The following DNTTIP1 variants were observed in gnomAD, a reference collection of about 807,000 sequenced individuals.
DNTTIP1 encodes deoxynucleotidyltransferase terminal-interacting protein 1.
In DNTTIP1, 22 loss-of-function variants were observed where a neutral mutation model predicts 52.9. That is an observed-to-expected ratio of 0.42 (90% CI 0.30 to 0.59). The LOEUF (loss-of-function observed/expected upper bound fraction) is 0.59, where lower values mean the gene tolerates loss of function less well. Among genes scored for constraint, DNTTIP1 ranks in the 20% least tolerant of loss-of-function variants. The pLI is 0.22. For synonymous variants in DNTTIP1, 136 were observed against 155.1 expected, an observed-to-expected ratio of 0.88 and a Z score of 0.92; for missense variants, 286 against 435.5, an observed-to-expected ratio of 0.66 and a Z score of 3.06.
At chr20:45,797,785 C>T (rs889987184) in intron 4 of DNTTIP1, among the ~76,000 whole-genome samples, 11 of 152,126 alleles carry the variant, frequency 7.2e-5, no homozygotes, top group African/African-American at 2.7e-4. Context: ...CAATGAGATA[C>T]CATCTTACAC....
Position 45,805,366 on chromosome 20 carries a change from G to A in DNTTIP1, c.723G>A (p.Lys241=). The A allele has an allele frequency of 2.5e-6, 4 of 1,614,038 alleles. No homozygotes were observed. The highest frequency in any genetic ancestry group is 3.4e-6 in the Non-Finnish European group (4 of 1,179,996). ...RIYIKHPHLF[K]YAADPQDKHW... is the part of the protein sequence containing the mutation. ...ACATCAAGCACCCACACCTCTTTAAGGTAGGTGACTGCTGGGAGGAAAGCA... is the reference window on the plus strand; with the variant it reads ...ACATCAAGCACCCACACCTCTTTAAAGTAGGTGACTGCTGGGAGGAAAGCA... Residue 241 remains lysine (K), a splice_region_variant and synonymous_variant, in exon 10 of 13, where the codon AAG becomes AAA. Coordinates refer to ENST00000372622, the MANE Select transcript of DNTTIP1 (RefSeq NM_052951.3).
At chr20:45,804,736 C>G (rs1426544003) in intron 8 of DNTTIP1, among the ~76,000 whole-genome samples, 1 of 152,204 alleles carries the variant, frequency 6.6e-6, no homozygotes, top group African/African-American at 2.4e-5. Flanking sequence ...ATGCTGCCCC[C>G]TGTCTGGAAT....
Position 45,805,379 on chromosome 20 carries a change from TG to T in DNTTIP1, c.723+16del. 2 of 1,613,526 alleles carry T rather than the reference TG, an allele frequency of 1.2e-6. No individual in the cohort carries two copies. Among genetic ancestry groups the T allele is most frequent in the Non-Finnish European group, 1.7e-6 (2 of 1,179,742 alleles). On this transcript the variant is annotated intron_variant, in intron 10 of 12. Transcript: ENST00000372622. Reference sequence around the variant, plus strand: ...ACACCTCTTTAAGGTAGGTGACTGCTGGGAGGAAAGCAGGCCATTGCATTGG... The same window carrying T: ...ACACCTCTTTAAGGTAGGTGACTGCTGGAGGAAAGCAGGCCATTGCATTGG...
At chr20:45,802,830 A>C (rs1332189170) in intron 7 of DNTTIP1, among the ~76,000 whole-genome samples, 1 of 151,382 alleles carries the variant, frequency 6.6e-6, no homozygotes, top group Non-Finnish European at 1.5e-5. Flanking sequence ...CCAACCCCCA[A>C]CCCCACTTTT....
chr20:45,809,050 C>T lies in DNTTIP1; in HGVS notation c.724-64C>T. 1 of 1,450,468 alleles carries T rather than the reference C, an allele frequency of 6.9e-7. No individual in the cohort carries two copies. Among genetic ancestry groups the T allele is most frequent in the Non-Finnish European group, 9.7e-7 (1 of 1,033,188 alleles). The allele number at this position is 1,450,468 out of a possible 1,614,324, so 89.8% of individuals were successfully genotyped here. ...ACTGCTCAAGGGCCAAGAGTATGCTCTGGGACCAAATGAGAAAAGCCCCTT... is the reference window on the plus strand; with the variant it reads ...ACTGCTCAAGGGCCAAGAGTATGCTTTGGGACCAAATGAGAAAAGCCCCTT... On this transcript the variant is annotated intron_variant, in intron 10 of 12. Transcript: ENST00000372622. This position sits in a 1 kb window ranked among gnomAD's most constrained non-coding sequence, Gnocchi z 4.2.
chr20:45,792,049 G>T lies in DNTTIP1; in HGVS notation c.45G>T (p.Gly15=). 7.8e-7 allele frequency: 1 copy of T among 1,282,162 alleles called. No homozygotes were observed. The allele number at this position is 1,282,162 out of a possible 1,614,324, so 79.4% of individuals were successfully genotyped here. A position where few individuals can be genotyped will look rare whatever the true frequency, so the allele number is the denominator to read the frequency against. Residue 15 remains glycine (G), a synonymous_variant, in exon 1 of 13, where the codon GGG becomes GGT. Coordinates refer to ENST00000372622, the MANE Select transcript of DNTTIP1 (RefSeq NM_052951.3). ...GDAEQPRGPS[G]AERGGLELGD... Reference sequence around the variant, plus strand: ...CCGAGCAGCCGCGGGGACCTAGCGGGGCCGAGAGGGGCGGCTTGGAGCTGG... The same window carrying T: ...CCGAGCAGCCGCGGGGACCTAGCGGTGCCGAGAGGGGCGGCTTGGAGCTGG...
chr20:45,801,055 T>C lies in DNTTIP1; in HGVS notation c.373-19T>C, dbSNP rs764199897. ...CCACCAAAATAGTGACTGGTAACAC[T>C]TGGTCTTTTTCCCTTCAGGCTAAAC... On this transcript the variant is annotated intron_variant, in intron 4 of 12. Coordinates refer to ENST00000372622, the MANE Select transcript of DNTTIP1 (RefSeq NM_052951.3). The C allele has an allele frequency of 6.8e-6, 11 of 1,611,900 alleles. No individual in the cohort carries two copies. The highest frequency in any genetic ancestry group is 1.7e-5 in the Admixed American group (1 of 59,974).
intron 7 of DNTTIP1, chr20:45,803,124 G>A: frequency 1.9e-6 from 1 of 538,186 alleles, no homozygotes. Flanking sequence ...AGTTGCTCAT[G>A]CCACTATGTA....
At position 45,792,053 on chromosome 20, in the gene DNTTIP1, G is replaced by A; in HGVS notation, c.49G>A (p.Glu17Lys). 5.5e-6 allele frequency: 7 copies of A among 1,283,506 alleles called. No homozygotes were observed. Among genetic ancestry groups the A allele is most frequent in the Non-Finnish European group, 6.9e-6 (7 of 1,014,216 alleles). 79.5% of individuals were successfully genotyped at this position (1,283,506 alleles called of 1,614,324 possible). ...GCAGCCGCGGGGACCTAGCGGGGCC[G>A]AGAGGGGCGGCTTGGAGCTGGGGGA... is the stretch of plus-strand genomic sequence containing the variant. ...AEQPRGPSGA[E>K]RGGLELGDAG... The change falls in exon 1 of 13, where the codon GAG becomes AAG. Residue 17 changes from glutamate to lysine, a missense_variant. Physicochemically the swap from Glu to Lys is moderately conservative, Grantham distance 56 (BLOSUM62 1). Coordinates refer to ENST00000372622, the MANE Select transcript of DNTTIP1 (RefSeq NM_052951.3).
In DNTTIP1 at chr20:45,792,024, C is replaced by T; in HGVS notation, c.20C>T (p.Ala7Val). The T allele has an allele frequency of 7.9e-7, 1 of 1,270,448 alleles. No homozygotes were observed. The highest frequency in any genetic ancestry group is 9.9e-7 in the Non-Finnish European group (1 of 1,007,120). The allele number at this position is 1,270,448 out of a possible 1,614,324, so 78.7% of individuals were successfully genotyped here. A position where few individuals can be genotyped will look rare whatever the true frequency, so the allele number is the denominator to read the frequency against. Residue 7 changes from alanine (A) to valine (V), a missense_variant, in exon 1 of 13, where the codon GCC (alanine) becomes GTC (valine). Coordinates refer to ENST00000372622, the MANE Select transcript of DNTTIP1 (RefSeq NM_052951.3). MGATGD[A>V]EQPRGPSGAE... ...GGCGCCATGGGAGCCACTGGCGACG[C>T]CGAGCAGCCGCGGGGACCTAGCGGG... is the stretch of plus-strand genomic sequence containing the variant.
At chr20:45,806,673 C>T (rs1207651782) in intron 10 of DNTTIP1, among the ~76,000 whole-genome samples, 1 of 152,242 alleles carries the variant, frequency 6.6e-6, no homozygotes, top group Non-Finnish European at 1.5e-5. Context: ...ACATTCTGTG[C>T]AAGTTTTCAA....
rs767168083 is a variant in DNTTIP1, at chr20:45,805,128, T to C, written c.604-18T>C. On this transcript the variant is annotated intron_variant, in intron 8 of 12. Coordinates refer to ENST00000372622, the MANE Select transcript of DNTTIP1 (RefSeq NM_052951.3). ...AGATTAAACTTCACCCTCACGAGCTTCTCTATTTTTTGCACAGTGGGACCC... is the reference window on the plus strand; with the variant it reads ...AGATTAAACTTCACCCTCACGAGCTCCTCTATTTTTTGCACAGTGGGACCC... The C allele has an allele frequency of 3.1e-6, 5 of 1,613,202 alleles. No homozygotes were observed. The East Asian group carries it at 6.7e-5, about 22-fold the overall frequency.
In DNTTIP1 at chr20:45,800,996, A is replaced by G. The variant is rs1981448221; in HGVS notation, c.373-78A>G. The stretch of plus-strand genomic sequence containing the variant: ...GCAACAGAGCAAGACTCTGTCTCCA[A>G]AAAAAAAAAAGGAAGTAGGTAGGGT... On this transcript the variant is annotated intron_variant, in intron 4 of 12. Coordinates refer to ENST00000372622, the MANE Select transcript of DNTTIP1 (RefSeq NM_052951.3). The G allele has an allele frequency of 6.5e-6, 6 of 916,084 alleles. No homozygotes were observed. In the East Asian group the frequency reaches 1.1e-4, roughly 16 times the overall value. 56.7% of individuals were successfully genotyped at this position (916,084 alleles called of 1,614,324 possible). A position where few individuals can be genotyped will look rare whatever the true frequency, so the allele number is the denominator to read the frequency against.
At chr20:45,794,804 T>TG (rs1448058568) in intron 3 of DNTTIP1, among the ~76,000 whole-genome samples, 6 of 148,798 alleles carry the variant, frequency 4.0e-5, no homozygotes, top group Admixed American at 3.3e-4. Flanking sequence ...AAAAAAAATT[T>TG]TTTTTTTTTT....
chr20:45,799,110 A>G (rs903838053), intron 4 of DNTTIP1, among the ~76,000 whole-genome samples: 1 of 152,220 alleles, frequency 6.6e-6, no homozygotes, highest in African/African-American at 2.4e-5. Context: ...TATTTGGTAT[A>G]TAAGTCTAGA....
chr20:45,811,176 A>G lies in DNTTIP1; in HGVS notation c.971A>G (p.Glu324Gly). The part of the protein sequence containing the change: ...LRTENEHRAV[E>G]APPQT ...ACAGAGAATGAGCATCGTGCTGTTG[A>G]AGCACCTCCACAGACCTGAGGCCGG... The change falls in exon 13 of 13, where the codon GAA becomes GGA. Residue 324 changes from glutamate to glycine, a missense_variant. By Grantham distance (98) the Glu-to-Gly change is moderately conservative. Transcript: ENST00000372622. The G allele has an allele frequency of 6.2e-7, 1 of 1,612,396 alleles. No homozygotes were observed. The highest frequency in any genetic ancestry group is 8.5e-7 in the Non-Finnish European group (1 of 1,179,086).
chr20:45,809,253 G>A lies in DNTTIP1; in HGVS notation c.795+68G>A. On this transcript the variant is annotated intron_variant, in intron 11 of 12. Transcript: ENST00000372622. The surrounding 1 kb of genome is among the most constrained non-coding windows in gnomAD (Gnocchi z 4.2). ...CCTGGGAACCAGGATTTTGGCTGTGGGTGACAGCCTACCTCCAAATCTGAC... is the reference window on the plus strand; with the variant it reads ...CCTGGGAACCAGGATTTTGGCTGTGAGTGACAGCCTACCTCCAAATCTGAC... 6 of 1,384,290 alleles carry A rather than the reference G, an allele frequency of 4.3e-6. No individual in the cohort carries two copies. Among genetic ancestry groups the A allele is most frequent in the Non-Finnish European group, 6.2e-6 (6 of 973,964 alleles). The allele number at this position is 1,384,290 out of a possible 1,614,324, so 85.8% of individuals were successfully genotyped here.
chr20:45,792,437 T>C (rs1319183277), intron 1 of DNTTIP1: 1 of 496,404 alleles, frequency 2.0e-6, no homozygotes, highest in Admixed American at 3.8e-5. Context: ...CCTCGGTAAA[T>C]ACTGCTTCCC....
At chr20:45,794,787 A>G (rs1179105824) in intron 3 of DNTTIP1, among the ~76,000 whole-genome samples, 1 of 49,386 alleles carries the variant, frequency 2.0e-5, no homozygotes, top group Non-Finnish European at 8.7e-5. Flanking sequence ...CATCTCTACT[A>G]AAAAAAAAAA....
Sources: allele counts gnomAD v4.1 joint callset (sites outside exome capture counted in the v4.1 genomes callset), GRCh38; gene constraint gnomAD v4.1.1; non-coding constraint Gnocchi (gnomAD v3.1); transcripts MANE v1.5; gene names NCBI Gene and HGNC (gene_info 2026-07-23, HGNC 2026-07-21).